The following RBFOX1 variants were observed in gnomAD, a reference collection of about 807,000 sequenced individuals.
The protein encoded by RBFOX1 is RNA binding fox-1 homolog 1.
In RBFOX1, 8 loss-of-function variants were observed where a neutral mutation model predicts 57.7. The observed-to-expected ratio is 0.14, with a 90% CI of 0.08 to 0.25. The LOEUF (loss-of-function observed/expected upper bound fraction) is 0.25, where lower values mean the gene tolerates loss of function less well. RBFOX1 is among the 10% of genes least tolerant of loss of function. The pLI is 1.00. For synonymous variants in RBFOX1, 326 were observed against 222.4 expected (o/e 1.47, Z -4.15); for missense variants, 611 against 548.5 (o/e 1.11, Z -1.14).
At chr16:6,008,219 C>G (rs1335759800) in intron 4 of RBFOX1, among the ~76,000 whole-genome samples, 1 of 130,882 alleles carries the variant, frequency 7.6e-6, no homozygotes, top group Non-Finnish European at 1.6e-5. Flanking sequence ...ACCCACCCCC[C>G]AAAAAAAGGT....
intron 3 of RBFOX1, among the ~76,000 whole-genome samples, chr16:5,811,089 G>A (rs547674423): frequency 4.0e-5 from 6 of 149,884 alleles, no homozygotes; most frequent in East Asian, 3.9e-4. Context: ...TTCTAAATCC[G>A]TACATTGGTT....
chr16:6,292,471 G>A (rs754005594), intron 1 of RBFOX1, among the ~76,000 whole-genome samples: 1 of 151,586 alleles, frequency 6.6e-6, no homozygotes, highest in Non-Finnish European at 1.5e-5. Flanking sequence ...CAATAATTCA[G>A]TGTCAAATAC....
intron 1 of RBFOX1, among the ~76,000 whole-genome samples, chr16:6,055,397 C>T (rs1043102711): frequency 6.6e-6 from 1 of 151,424 alleles, no homozygotes; most frequent in Non-Finnish European, 1.5e-5. Context: ...GTTCTAGACC[C>T]GCCTGGCCAA....
At chr16:6,355,323 C>T (rs1386260674) in intron 2 of RBFOX1, among the ~76,000 whole-genome samples, 1 of 151,998 alleles carries the variant, frequency 6.6e-6, no homozygotes, top group Non-Finnish European at 1.5e-5. Flanking sequence ...TGTGATGTTC[C>T]CCTCCCTATA....
chr16:7,625,531 A>G (rs965230719), intron 10 of RBFOX1, among the ~76,000 whole-genome samples: 1 of 152,210 alleles, frequency 6.6e-6, no homozygotes, highest in African/African-American at 2.4e-5. Flanking sequence ...TAGGTATTTC[A>G]TAAAGTCTAG....
At chr16:5,943,971 C>T (rs936742689) in intron 4 of RBFOX1, among the ~76,000 whole-genome samples, 1 of 151,278 alleles carries the variant, frequency 6.6e-6, no homozygotes, top group East Asian at 1.9e-4. Context: ...ATCCACCCCC[C>T]CACCCATCCA....
intron 1 of RBFOX1, among the ~76,000 whole-genome samples, chr16:5,455,509 G>A (rs1035365223): frequency 4.4e-4 from 67 of 152,232 alleles, no homozygotes; most frequent in African/African-American, 1.5e-3. Flanking sequence ...ACCCCAAGGA[G>A]GCCTTGGAGA....
intron 2 of RBFOX1, among the ~76,000 whole-genome samples, chr16:6,574,821 G>A (rs150342522): frequency 3.3e-5 from 5 of 149,264 alleles, no homozygotes; most frequent in Non-Finnish European, 7.4e-5. Flanking sequence ...GGCGGATCAC[G>A]AGGTCAGGCG....
chr16:7,179,093 A>T (rs1358791626), intron 4 of RBFOX1, among the ~76,000 whole-genome samples: 1 of 152,098 alleles, frequency 6.6e-6, no homozygotes. Flanking sequence ...ACAAAGTTCA[A>T]CTTCGTTTTG....
chr16:6,445,369 G>C (rs1483105776), intron 2 of RBFOX1, among the ~76,000 whole-genome samples: 1 of 151,988 alleles, frequency 6.6e-6, no homozygotes, highest in Non-Finnish European at 1.5e-5. Context: ...GAGACATCTG[G>C]TCAACTATTG....
chr16:5,674,655 TAA>T (rs2050113001), intron 3 of RBFOX1, among the ~76,000 whole-genome samples: 1 of 152,218 alleles, frequency 6.6e-6, no homozygotes, highest in African/African-American at 2.4e-5. Context: ...CCATTACTTT[TAA>T]TTATTTTTGC....
intron 3 of RBFOX1, among the ~76,000 whole-genome samples, chr16:5,640,078 G>C (rs2048809623): frequency 6.6e-6 from 1 of 152,118 alleles, no homozygotes; most frequent in African/African-American, 2.4e-5. Context: ...GCAGGTCAGG[G>C]AAATAAGAAA....
intron 2 of RBFOX1, among the ~76,000 whole-genome samples, chr16:6,391,028 T>C (rs1236528264): frequency 6.6e-6 from 1 of 152,134 alleles, no homozygotes; most frequent in East Asian, 1.9e-4. Context: ...CTCTACCCAC[T>C]AGACGATAGT....
intron 1 of RBFOX1, among the ~76,000 whole-genome samples, chr16:6,164,432 T>A (rs533636262): frequency 3.3e-5 from 5 of 151,958 alleles, no homozygotes; most frequent in African/African-American, 9.7e-5. Flanking sequence ...TTAGAAGTGA[T>A]GTTTTCCACA....
chr16:6,895,761 C>T (rs986581338), intron 3 of RBFOX1, among the ~76,000 whole-genome samples: 1 of 151,794 alleles, frequency 6.6e-6, no homozygotes, highest in Non-Finnish European at 1.5e-5. Context: ...AGGAATGAGC[C>T]CTAAGACAGG....
At chr16:6,091,153 T>G (rs1470221243) in intron 1 of RBFOX1, among the ~76,000 whole-genome samples, 1 of 152,148 alleles carries the variant, frequency 6.6e-6, no homozygotes, top group Non-Finnish European at 1.5e-5. Flanking sequence ...AAAACTCACT[T>G]CTCCTATCTA....
chr16:7,521,222 C>A (rs2077451535), intron 5 of RBFOX1, among the ~76,000 whole-genome samples: 1 of 152,126 alleles, frequency 6.6e-6, no homozygotes, highest in South Asian at 2.1e-4. Context: ...ACTCAAAGTC[C>A]TAAGAAGAGG....
At chr16:5,686,362 G>T (rs1235839135) in intron 3 of RBFOX1, among the ~76,000 whole-genome samples, 15 of 152,112 alleles carry the variant, frequency 9.9e-5, no homozygotes, top group Non-Finnish European at 1.2e-4. Context: ...AGTTTTGGGT[G>T]GTTTGAATAT....
intron 1 of RBFOX1, among the ~76,000 whole-genome samples, chr16:6,099,211 A>G (rs1028535101): frequency 1.3e-5 from 2 of 152,180 alleles, no homozygotes; most frequent in Non-Finnish European, 2.9e-5. Context: ...AAATTGGCCA[A>G]AGAAAGTGTT....
Sources: gnomAD v4.1 joint callset for allele counts (sites outside exome capture counted in the v4.1 genomes callset) on GRCh38, gnomAD v4.1.1 for gene constraint, MANE v1.5 for transcripts, NCBI Gene and HGNC (gene_info 2026-07-23, HGNC 2026-07-21) for gene names.